The following MPRIP variants were observed in gnomAD, a reference collection of about 807,000 sequenced individuals.
MPRIP encodes myosin phosphatase Rho-interacting protein.
Under a neutral mutation model 234.9 loss-of-function variants are expected in MPRIP, and 59 were observed. The ratio of observed to expected loss-of-function variants is 0.25; its 90% CI spans 0.20 to 0.31. The LOEUF (loss-of-function observed/expected upper bound fraction) is 0.31, where lower values mean the gene tolerates loss of function less well. Among genes scored for constraint, MPRIP ranks in the 10% least tolerant of loss-of-function variants. The pLI is 1.00. For missense variants in MPRIP, 2,436 were observed against 3,071.0 expected (o/e 0.79, Z 4.89); for synonymous variants, 1,144 against 1,263.9 (o/e 0.91, Z 2.01).
rs2089816800 is a variant in MPRIP, at chr17:17,095,418, C to CGCG, written c.267+17343_267+17344insCGG. ...AGAGACCCTAGAATGTCCGCACGTACGAGCCCTCTCGTCTCCATTACATGG... is the reference window on the plus strand; with the variant it reads ...AGAGACCCTAGAATGTCCGCACGTACGCGGAGCCCTCTCGTCTCCATTACATGG... On this transcript the variant is annotated intron_variant, in intron 3 of 23. Coordinates refer to ENST00000651222, the MANE Select transcript of MPRIP (RefSeq NM_001364716.4). 1.1e-4 allele frequency among the ~76,000 whole-genome samples: 17 copies of CGCG among 152,278 alleles called. No individual in the cohort carries two copies. The South Asian group carries it at 3.1e-3, about 28-fold the overall frequency.
intron 3 of MPRIP, among the ~76,000 whole-genome samples, chr17:17,120,473 G>A (rs1030851119): frequency 1.3e-4 from 20 of 152,156 alleles, no homozygotes; most frequent in African/African-American, 4.6e-4. Context: ...CAGAGGACCG[G>A]CAGGAGGAGC....
rs1463971186 is a variant in MPRIP, at chr17:17,167,090, G to A, written c.5499G>A (p.Gln1833=). The A allele has an allele frequency of 2.3e-6, 3 of 1,304,218 alleles. No homozygotes were observed. The African/African-American group carries it at 4.6e-5, about 20-fold the overall frequency. 80.8% of individuals were successfully genotyped at this position (1,304,218 alleles called of 1,614,324 possible). ...ACACTTGTTTGGGAGGCCTCGGTCA[G>A]TATTCTTCATTGTTGGTTCAGGATG... ...SYNTCLGGLG[Q]YSSLLVQDAI... The change falls in exon 16 of 24, where the codon CAG becomes CAA. Residue 1833 remains glutamine, a synonymous_variant. Coordinates refer to ENST00000651222, the MANE Select transcript of MPRIP (RefSeq NM_001364716.4). The surrounding 1 kb of genome is among the most constrained non-coding windows in gnomAD (Gnocchi z 5.9).
intron 3 of MPRIP, among the ~76,000 whole-genome samples, chr17:17,096,253 G>A (rs918487651): frequency 3.5e-5 from 5 of 141,260 alleles, no homozygotes; most frequent in African/African-American, 1.4e-4. Flanking sequence ...GGCCTGTGTA[G>A]CTCTTTGTGC....
rs372975683 is a variant in MPRIP, at chr17:17,173,931, G to C, written c.6606G>C (p.Ser2202=). The C allele has an allele frequency of 6.2e-7, 1 of 1,613,388 alleles. No homozygotes were observed. Among genetic ancestry groups the C allele is most frequent in the South Asian group, 1.1e-5 (1 of 91,086 alleles). Residue 2202 remains serine, a synonymous_variant, in exon 19 of 24, where the codon TCG becomes TCC. Coordinates refer to ENST00000651222, the MANE Select transcript of MPRIP (RefSeq NM_001364716.4). ...LRRQYLEELQ[S]VQRELEVLSE... ...CTCTCCCCAGGGAGGAGCTGCAGTC[G>C]GTGCAGCGGGAACTGGAGGTCCTCT...
chr17:17,126,233 G>A (rs773415053), intron 3 of MPRIP, among the ~76,000 whole-genome samples: 2 of 152,186 alleles, frequency 1.3e-5, no homozygotes, highest in African/African-American at 4.8e-5. Context: ...CTCCTTGGCC[G>A]CCTCTAAAGA....
At chr17:17,087,080 C>T (rs1311947592) in intron 3 of MPRIP, among the ~76,000 whole-genome samples, 2 of 152,192 alleles carry the variant, frequency 1.3e-5, no homozygotes, top group African/African-American at 4.8e-5. Context: ...TGACATTTCC[C>T]ACACTGAAAG....
At chr17:17,126,561 G>A in intron 3 of MPRIP, 141 bp from the exon 4 acceptor site, 1 of 974,022 alleles carries the variant, frequency 1.0e-6, no homozygotes, top group South Asian at 1.7e-5. Context: ...TGGGCACAAA[G>A]GAAGAGGAGC....
At chr17:17,135,405 A>C (rs1399083150) in intron 5 of MPRIP, among the ~76,000 whole-genome samples, 1 of 152,192 alleles carries the variant, frequency 6.6e-6, no homozygotes, top group Non-Finnish European at 1.5e-5. Context: ...GCATGTGCAC[A>C]TGAATGTGTA....
At chr17:17,152,235 G>T (rs991483693) in intron 12 of MPRIP, among the ~76,000 whole-genome samples, 2 of 152,232 alleles carry the variant, frequency 1.3e-5, no homozygotes, top group East Asian at 1.9e-4. Flanking sequence ...AAGTTTCAAG[G>T]CTCCTCTGTC....
chr17:17,150,292 T>C (rs1029191654), intron 12 of MPRIP, 59 bp downstream of exon 12: 3 of 1,331,134 alleles, frequency 2.3e-6, no homozygotes, highest in African/African-American at 2.9e-5. Context: ...CATGTCAGAG[T>C]GCCTAATGTC....
intron 15 of MPRIP, 34 bp downstream of exon 15, chr17:17,161,390 G>T (rs759387746): frequency 1.7e-5 from 25 of 1,441,324 alleles, no homozygotes; most frequent in Non-Finnish European, 2.4e-5. Context: ...CCCATGGTGC[G>T]CTCAGGAGCT....
intron 1 of MPRIP, among the ~76,000 whole-genome samples, chr17:17,071,054 G>A (rs79110942): frequency 0.027 from 4,107 of 152,228 alleles, 105 homozygotes; most frequent in East Asian, 0.12. Context: ...TCCTCTGGGC[G>A]CCCTCTGACA....
intron 5 of MPRIP, among the ~76,000 whole-genome samples, chr17:17,132,161 C>T (rs1206904186): frequency 6.6e-6 from 1 of 152,146 alleles, no homozygotes; most frequent in African/African-American, 2.4e-5. Flanking sequence ...GTGACCTGAG[C>T]AGGGCGTGGC....
chr17:17,085,793 C>T (rs573699692), intron 3 of MPRIP, among the ~76,000 whole-genome samples: 1 of 152,262 alleles, frequency 6.6e-6, no homozygotes, highest in South Asian at 2.1e-4. Context: ...GGTGCCTGTA[C>T]TCCCAGCTAC....
At chr17:17,176,935 G>T (rs1024424225) in intron 21 of MPRIP, among the ~76,000 whole-genome samples, 8 of 152,200 alleles carry the variant, frequency 5.3e-5, no homozygotes, top group African/African-American at 1.9e-4. Context: ...AGGATTTCCA[G>T]GCTGAAGCCC....
chr17:17,137,842 T>TA, intron 6 of MPRIP, 74 bp from the exon 7 acceptor site: 1 of 1,414,854 alleles, frequency 7.1e-7, no homozygotes, highest in Non-Finnish European at 9.5e-7. Flanking sequence ...TACATGGGCT[T>TA]TAAAAAAAAA....
intron 9 of MPRIP, among the ~76,000 whole-genome samples, chr17:17,144,303 T>C (rs1032540829): frequency 4.5e-4 from 68 of 152,210 alleles, no homozygotes; most frequent in Admixed American, 4.3e-3. Flanking sequence ...GCCCCAGGGC[T>C]TGGGGGCTGC....
chr17:17,061,389 A>G (rs554509368), intron 1 of MPRIP, among the ~76,000 whole-genome samples: 3 of 152,322 alleles, frequency 2.0e-5, no homozygotes, highest in East Asian at 3.9e-4. Context: ...TAAACAGCCT[A>G]TTTGCTGTGA....
chr17:17,064,349 G>A (rs983555919), intron 1 of MPRIP, among the ~76,000 whole-genome samples: 17 of 152,058 alleles, frequency 1.1e-4, no homozygotes, highest in African/African-American at 3.1e-4. Flanking sequence ...CTACAGGTGC[G>A]TGCCACTGTT....
Sources: allele counts gnomAD v4.1 joint callset (sites outside exome capture counted in the v4.1 genomes callset), GRCh38; gene constraint gnomAD v4.1.1; non-coding constraint Gnocchi (gnomAD v3.1); transcripts MANE v1.5; gene names NCBI Gene and HGNC (gene_info 2026-07-23, HGNC 2026-07-21).